The following TNFRSF13B variants were observed in gnomAD, a reference collection of about 807,000 sequenced individuals.
TNFRSF13B encodes tumor necrosis factor receptor superfamily member 13B.
TNFRSF13B carries 34 observed loss-of-function variants against 24.0 expected under a neutral mutation model. That is an observed-to-expected ratio of 1.41 (90% CI 1.08 to 1.88). The LOEUF (loss-of-function observed/expected upper bound fraction) is 1.88. Among genes scored for constraint, TNFRSF13B ranks in the 40% most tolerant of loss-of-function variants. The pLI is 0.00. For synonymous variants in TNFRSF13B, 173 were observed against 150.3 expected, an observed-to-expected ratio of 1.15 and a Z score of -1.10; for missense variants, 415 against 380.8, an observed-to-expected ratio of 1.09 and a Z score of -0.75.
chr17:16,957,508 T>C (rs1173055816), intron 1 of TNFRSF13B, among the ~76,000 whole-genome samples: 1 of 152,056 alleles, frequency 6.6e-6, no homozygotes, highest in African/African-American at 2.4e-5. Context: ...TCTCAATAAA[T>C]TTGATGCAGG....
At chr17:16,956,696 C>G (rs2087627140) in intron 1 of TNFRSF13B, among the ~76,000 whole-genome samples, 1 of 152,166 alleles carries the variant, frequency 6.6e-6, no homozygotes, top group Non-Finnish European at 1.5e-5. Context: ...GAAAAATGAG[C>G]CATCAAGGCA....
At chr17:16,947,949 G>A (rs532781091) in intron 3 of TNFRSF13B, among the ~76,000 whole-genome samples, 1 of 152,286 alleles carries the variant, frequency 6.6e-6, no homozygotes, top group South Asian at 2.1e-4. Flanking sequence ...AATCAATCTG[G>A]GTGCCCATCG....
chr17:16,941,191 G>T, intron 3 of TNFRSF13B: 2 of 979,520 alleles, frequency 2.0e-6, no homozygotes, highest in Non-Finnish European at 1.2e-6. Context: ...TCTTTTCTGA[G>T]TATTTTCCAG....
At position 16,950,719 on chromosome 17, in the gene TNFRSF13B, ACCCTCCCTGCCTGACCTCACAC is replaced by A. The variant is rs567133612; in HGVS notation, c.199+1705_199+1726del. Among the ~76,000 whole-genome samples the A allele has an allele frequency of 3.8e-3, 569 of 150,668 alleles. 6 individuals carry two copies. The highest frequency in any genetic ancestry group is 0.012 in the African/African-American group (501 of 40,886). On this transcript the variant is annotated intron_variant, in intron 2 of 4. Coordinates refer to ENST00000261652, the MANE Select transcript of TNFRSF13B (RefSeq NM_012452.3). Reference sequence around the variant, plus strand: ...GGTGCCTGAGTGCCCCAGCCCACTGACCCTCCCTGCCTGACCTCACACCCCTCCCTGCCTGACCTCACACCCC... The same window carrying A: ...GGTGCCTGAGTGCCCCAGCCCACTGACCCTCCCTGCCTGACCTCACACCCC...
chr17:16,942,242 T>C (rs1469351241), intron 3 of TNFRSF13B, among the ~76,000 whole-genome samples: 1 of 152,198 alleles, frequency 6.6e-6, no homozygotes, highest in Admixed American at 6.5e-5. Flanking sequence ...TCTAAGATAT[T>C]GTTCTCGGTC....
chr17:16,942,249 G>A (rs1439868180), intron 3 of TNFRSF13B, among the ~76,000 whole-genome samples: 4 of 152,138 alleles, frequency 2.6e-5, no homozygotes, highest in Non-Finnish European at 5.9e-5. Context: ...TATTGTTCTC[G>A]GTCTTAGACC....
chr17:16,944,032 C>T (rs79313491), intron 3 of TNFRSF13B, among the ~76,000 whole-genome samples: 5,771 of 152,336 alleles, frequency 0.038, 124 homozygotes, highest in South Asian at 0.1. Context: ...CCCCACCAAG[C>T]GCCATGTGTG....
intron 1 of TNFRSF13B, among the ~76,000 whole-genome samples, chr17:16,970,899 G>A (rs568401972): frequency 1.2e-4 from 18 of 152,154 alleles, no homozygotes; most frequent in Non-Finnish European, 2.5e-4. Context: ...AAAAAGGACT[G>A]AAGAACAAAT....
chr17:16,966,826 C>CTTTTTGTTTT (rs2087703436), intron 1 of TNFRSF13B, among the ~76,000 whole-genome samples: 1 of 105,262 alleles, frequency 9.5e-6, no homozygotes. Context: ...TTTGTTTTTT[C>CTTTTTGTTTT]TTTTTCTTTT....
At chr17:16,939,972 G>A in intron 4 of TNFRSF13B, 175 bp from the exon 5 acceptor site, 4 of 1,036,366 alleles carry the variant, frequency 3.9e-6, no homozygotes, top group South Asian at 3.5e-5. Flanking sequence ...CTGTGCCGGG[G>A]CAGGGGTGGG....
chr17:16,957,890 G>T (rs1176099321), intron 1 of TNFRSF13B, among the ~76,000 whole-genome samples: 1 of 151,988 alleles, frequency 6.6e-6, no homozygotes, highest in Non-Finnish European at 1.5e-5. Context: ...TACTCTAGAC[G>T]GTACCTTGAA....
rs374904733 is a variant in TNFRSF13B, at chr17:16,968,280, T to C, written c.61+3735A>G. On this transcript the variant is annotated intron_variant, in intron 1 of 4. Transcript: ENST00000261652. ...TCATGGATTGAAAGAAAACAAAGCA[T>C]AGTTGGAAGACTCATGTTTCCCTAC... Among the ~76,000 whole-genome samples, 13 of 152,186 alleles carry C rather than the reference T, an allele frequency of 8.5e-5. No homozygotes were observed. In the East Asian group the frequency reaches 1.9e-3, roughly 23 times the overall value.
At chr17:16,949,246 T>A (rs1385235267) in intron 2 of TNFRSF13B, among the ~76,000 whole-genome samples, 1 of 152,210 alleles carries the variant, frequency 6.6e-6, no homozygotes, top group African/African-American at 2.4e-5. Flanking sequence ...TTATTATCTT[T>A]TCTTTGACCT....
chr17:16,969,272 A>T (rs1177356301), intron 1 of TNFRSF13B, among the ~76,000 whole-genome samples: 2 of 152,236 alleles, frequency 1.3e-5, no homozygotes, highest in East Asian at 3.8e-4. Flanking sequence ...CTTTCTTAAT[A>T]ATCACAGTGA....
chr17:16,948,928 G>T lies in TNFRSF13B; in HGVS notation c.255C>A (p.Asp85Glu). Reference protein sequence around the residue: ...QGKFYDHLLRDCISCASICGQ... With the variant: ...QGKFYDHLLRECISCASICGQ... ...CACAGATGGAGGCACAGCTGATGCA[G>T]TCCCTCAGGAGATGGTCATAGAACT... The change falls in exon 3 of 5, where the codon GAC becomes GAA. Residue 85 changes from aspartate to glutamate, a missense_variant. Transcript: ENST00000261652. 6.2e-7 allele frequency: 1 copy of T among 1,614,244 alleles called. No homozygotes were observed. The highest frequency in any genetic ancestry group is 1.1e-5 in the South Asian group (1 of 91,090).
At chr17:16,960,793 C>T (rs943547715) in intron 1 of TNFRSF13B, among the ~76,000 whole-genome samples, 8 of 152,132 alleles carry the variant, frequency 5.3e-5, no homozygotes, top group Non-Finnish European at 1.0e-4. Flanking sequence ...CCAAAGGACA[C>T]TATTGAGAGA....
At chr17:16,957,955 G>A (rs1480346240) in intron 1 of TNFRSF13B, among the ~76,000 whole-genome samples, 1 of 152,068 alleles carries the variant, frequency 6.6e-6, no homozygotes, top group Non-Finnish European at 1.5e-5. Context: ...AACTATAAAA[G>A]CCAGAATTAT....
At chr17:16,968,109 C>G (rs1311936457) in intron 1 of TNFRSF13B, among the ~76,000 whole-genome samples, 19 of 144,628 alleles carry the variant, frequency 1.3e-4, no homozygotes, top group Non-Finnish European at 4.5e-5. Context: ...CCACTGCACT[C>G]CAGCCTGGGC....
chr17:16,942,235 A>G (rs949313925), intron 3 of TNFRSF13B, among the ~76,000 whole-genome samples: 4 of 152,144 alleles, frequency 2.6e-5, no homozygotes, highest in Non-Finnish European at 1.5e-5. Flanking sequence ...CTGAGTGTCT[A>G]AGATATTGTT....
Sources: allele counts gnomAD v4.1 joint callset (sites outside exome capture counted in the v4.1 genomes callset), GRCh38; gene constraint gnomAD v4.1.1; transcripts MANE v1.5; gene names NCBI Gene and HGNC (gene_info 2026-07-23, HGNC 2026-07-21).